The following SKOR2 variants were observed in gnomAD, a reference collection of about 807,000 sequenced individuals.
SKOR2 encodes SKI family transcriptional corepressor 2.
In SKOR2, 47 loss-of-function variants were observed where a neutral mutation model predicts 69.1. The ratio of observed to expected loss-of-function variants is 0.68; its 90% CI spans 0.54 to 0.87. The LOEUF is 0.87. Ranked by LOEUF, SKOR2 falls within the 40% of genes least tolerant of loss-of-function variation. SKOR2 has a pLI of 0.00. For missense variants in SKOR2, 1,404 were observed against 1,472.2 expected (o/e 0.95, Z 0.76); for synonymous variants, 717 against 672.6 (o/e 1.07, Z -1.02).
intron 2 of SKOR2, among the ~76,000 whole-genome samples, chr18:47,246,139 G>A (rs549116962): frequency 3.6e-4 from 55 of 152,224 alleles, no homozygotes; most frequent in African/African-American, 1.3e-3. Flanking sequence ...TTTACTTTTG[G>A]TCATGGTGGA....
rs188263983 is a variant in SKOR2, at chr18:47,231,703, C to T, written c.2753-703G>A. On this transcript the variant is annotated intron_variant, in intron 4 of 8. Coordinates refer to ENST00000425639, the MANE Select transcript of SKOR2 (RefSeq NM_001278063.4). Reference sequence around the variant, plus strand: ...TATGAAAAATACAAAATTAGCTGGGCGTGGTGGTGCATGCCTGTAATCCTA... The same window carrying T: ...TATGAAAAATACAAAATTAGCTGGGTGTGGTGGTGCATGCCTGTAATCCTA... Among the ~76,000 whole-genome samples, 354 of 151,884 alleles carry T rather than the reference C, an allele frequency of 2.3e-3. 1 individual carries two copies. Among genetic ancestry groups the T allele is most frequent in the South Asian group, 0.014 (66 of 4,814 alleles).
intron 2 of SKOR2, 105 bp from the exon 3 acceptor site, chr18:47,245,666 C>G (rs1391026830): frequency 3.1e-6 from 3 of 977,998 alleles, no homozygotes; most frequent in Non-Finnish European, 4.3e-6. Context: ...CTCCATGGAG[C>G]CTCAGGAGAC....
rs1332393433 is a variant in SKOR2, at chr18:47,248,238, C to G, written c.946G>C (p.Asp316His). 1 of 1,220,444 alleles carries G rather than the reference C, an allele frequency of 8.2e-7. No homozygotes were observed. The highest frequency in any genetic ancestry group is 1.0e-6 in the Non-Finnish European group (1 of 982,166). The allele number at this position is 1,220,444 out of a possible 1,614,324, so 75.6% of individuals were successfully genotyped here. A position where few individuals can be genotyped will look rare whatever the true frequency, so the allele number is the denominator to read the frequency against. Residue 316 changes from aspartate (D) to histidine (H), a missense_variant, in exon 2 of 9, where the codon GAC becomes CAC. Physicochemically the swap from Asp to His is moderately conservative, Grantham distance 81. Around this residue, in one of 3 missense-constraint regions of SKOR2, gnomAD observed 1,266 missense variants for 1,309.9 expected, o/e 0.97. Transcript: ENST00000425639. This position sits in a 1 kb window ranked among gnomAD's most constrained non-coding sequence, Gnocchi z 6.4. ...ACTACGGCGGCCTCCTGCAAGGAGT[C>G]GTCGTCGTCGTCGAAGCGCGGCCGC... is the stretch of plus-strand genomic sequence containing the variant. ...HKRPRFDDDD[D>H]SLQEAAVVAA...
chr18:47,240,753 T>G (rs2064244853), intron 4 of SKOR2, among the ~76,000 whole-genome samples: 1 of 152,196 alleles, frequency 6.6e-6, no homozygotes, highest in Non-Finnish European at 1.5e-5. Flanking sequence ...ACTGAATTTT[T>G]TAAAGGGATC....
intron 7 of SKOR2, among the ~76,000 whole-genome samples, chr18:47,217,261 T>C (rs1281478893): frequency 6.6e-6 from 1 of 152,244 alleles, no homozygotes; most frequent in Non-Finnish European, 1.5e-5. Flanking sequence ...TAGCATATTA[T>C]GGCTTGTATG....
At chr18:47,217,946 GATAGATGA>G (rs2064149261) in intron 7 of SKOR2, among the ~76,000 whole-genome samples, 1 of 152,086 alleles carries the variant, frequency 6.6e-6, no homozygotes, top group African/African-American at 2.4e-5. Flanking sequence ...CATTTGTCTA[GATAGATGA>G]ATACATGTTG....
chr18:47,208,288 T>C (rs2064118718), intron 8 of SKOR2, among the ~76,000 whole-genome samples: 1 of 152,188 alleles, frequency 6.6e-6, no homozygotes. Context: ...AGCCTCAGTT[T>C]CTAAGTATGA....
intron 1 of SKOR2, among the ~76,000 whole-genome samples, chr18:47,250,836 C>G (rs2064309191): frequency 6.6e-6 from 1 of 152,148 alleles, no homozygotes; most frequent in Non-Finnish European, 1.5e-5. Context: ...CAGTGACACC[C>G]GAGTCTGATA....
At position 47,230,378 on chromosome 18, in the gene SKOR2, A is replaced by G; in HGVS notation, c.2917+81T>C. The G allele has an allele frequency of 4.7e-6, 4 of 851,940 alleles. No homozygotes were observed. In the South Asian group the frequency reaches 1.5e-4, roughly 31 times the overall value. 52.8% of individuals were successfully genotyped at this position (851,940 alleles called of 1,614,324 possible). A position where few individuals can be genotyped will look rare whatever the true frequency, so the allele number is the denominator to read the frequency against. ...TGTGTGTTTTGCACAATCGCTTAAT[A>G]CTTAGAATCACATTCTTAAGCCTAA... On this transcript the variant is annotated intron_variant, in intron 6 of 8. Coordinates refer to ENST00000425639, the MANE Select transcript of SKOR2 (RefSeq NM_001278063.4).
At chr18:47,224,594 A>T (rs1391992172) in intron 6 of SKOR2, among the ~76,000 whole-genome samples, 1 of 150,260 alleles carries the variant, frequency 6.7e-6, no homozygotes, top group East Asian at 2.0e-4. Context: ...TCATTTTGTT[A>T]TCTCTATTTT....
intron 7 of SKOR2, among the ~76,000 whole-genome samples, chr18:47,214,551 G>T (rs550081453): frequency 6.6e-6 from 1 of 152,250 alleles, no homozygotes; most frequent in South Asian, 2.1e-4. Flanking sequence ...ATCATGAATG[G>T]TAAATAAAGA....
chr18:47,242,701 C>T (rs2064254356), intron 4 of SKOR2, among the ~76,000 whole-genome samples: 1 of 151,948 alleles, frequency 6.6e-6, no homozygotes, highest in East Asian at 1.9e-4. Flanking sequence ...AGTTTGATGT[C>T]TGTCTAAATG....
At chr18:47,219,869 GT>G in intron 7 of SKOR2, 73 bp downstream of exon 7, 2 of 1,336,874 alleles carry the variant, frequency 1.5e-6, no homozygotes, top group South Asian at 2.5e-5. Flanking sequence ...AACGTGAACA[GT>G]TTCATACATA....
At position 47,246,667 on chromosome 18, in the gene SKOR2, C is replaced by T. The variant is rs1338065944; in HGVS notation, c.2517G>A (p.Pro839=). 2.7e-6 allele frequency: 4 copies of T among 1,472,192 alleles called. No individual in the cohort carries two copies. The highest frequency in any genetic ancestry group is 1.5e-5 in the African/African-American group (1 of 68,448). 91.2% of individuals were successfully genotyped at this position (1,472,192 alleles called of 1,614,324 possible). ...PGSDLPPPPP[P]PLAPQKASGG... is the part of the protein sequence containing the mutation. The stretch of plus-strand genomic sequence containing the variant: ...CACTCGCCTTCTGGGGGGCCAGGGG[C>T]GGCGGCGGGGGCGGGGGCAGGTCCG... Residue 839 remains proline (P), a synonymous_variant, in exon 2 of 9, where the codon CCG becomes CCA. Transcript: ENST00000425639.
intron 6 of SKOR2, among the ~76,000 whole-genome samples, chr18:47,225,868 G>A (rs1240909917): frequency 1.3e-5 from 2 of 152,132 alleles, no homozygotes; most frequent in Non-Finnish European, 1.5e-5. Context: ...GAGAGGTTGG[G>A]GGAGGGGCAC....
chr18:47,249,221 G>A lies in SKOR2; in HGVS notation c.-38C>T, dbSNP rs2064302368. The A allele has an allele frequency of 2.0e-6, 3 of 1,512,498 alleles. No homozygotes were observed. The highest frequency in any genetic ancestry group is 2.6e-6 in the Non-Finnish European group (3 of 1,134,586). The allele number at this position is 1,512,498 out of a possible 1,614,324, so 93.7% of individuals were successfully genotyped here. A position where few individuals can be genotyped will look rare whatever the true frequency, so the allele number is the denominator to read the frequency against. On this transcript the variant is annotated 5_prime_UTR_variant, in exon 2 of 9. It introduces an in-frame stop codon into an upstream open reading frame of the 5' UTR. Coordinates refer to ENST00000425639, the MANE Select transcript of SKOR2 (RefSeq NM_001278063.4). Reference sequence around the variant, plus strand: ...ACCCCGGGCCGAGCCCTACAGGTCTGCCTTGGACACTGGAAGGGAAAGGAG... The same window carrying A: ...ACCCCGGGCCGAGCCCTACAGGTCTACCTTGGACACTGGAAGGGAAAGGAG...
chr18:47,221,383 A>C (rs1290422804), intron 6 of SKOR2, among the ~76,000 whole-genome samples: 1 of 152,172 alleles, frequency 6.6e-6, no homozygotes, highest in Non-Finnish European at 1.5e-5. Flanking sequence ...TTGAGCAGAC[A>C]CGTGGAGAAC....
At chr18:47,218,769 A>G (rs1423123738) in intron 7 of SKOR2, among the ~76,000 whole-genome samples, 1 of 152,150 alleles carries the variant, frequency 6.6e-6, no homozygotes, top group African/African-American at 2.4e-5. Flanking sequence ...AAAAGCTAAG[A>G]ATGGGAATTT....
Position 47,248,986 on chromosome 18 carries a change from C to G in SKOR2, c.198G>C (p.Gln66His). The G allele has an allele frequency of 6.4e-7, 1 of 1,564,432 alleles. No homozygotes were observed. Among genetic ancestry groups the G allele is most frequent in the Non-Finnish European group, 8.6e-7 (1 of 1,162,048 alleles). Reference sequence around the variant, plus strand: ...AGTTCTTGAGCAGAGTGTTGGAGATCTGCGCCAGGCACAGGCGCTCTTGCC... The same window carrying G: ...AGTTCTTGAGCAGAGTGTTGGAGATGTGCGCCAGGCACAGGCGCTCTTGCC... Reference protein sequence around the residue: ...IDGQERLCLAQISNTLLKNFS... With the variant: ...IDGQERLCLAHISNTLLKNFS... The change falls in exon 2 of 9, where the codon CAG becomes CAC. Residue 66 changes from glutamine (Q) to histidine (H), a missense_variant. Gln to His is a conservative substitution (Grantham distance 24). Transcript: ENST00000425639. The surrounding 1 kb of genome is among the most constrained non-coding windows in gnomAD (Gnocchi z 6.4).
Sources: gnomAD v4.1 joint callset for allele counts (sites outside exome capture counted in the v4.1 genomes callset) on GRCh38, gnomAD v4.1.1 for gene constraint, gnomAD v4.1.1 regional missense constraint, Gnocchi (gnomAD v3.1) non-coding constraint, MANE v1.5 for transcripts, NCBI Gene and HGNC (gene_info 2026-07-23, HGNC 2026-07-21) for gene names.